Variants in PACRG observed in about 807,000 individuals in gnomAD.
The protein encoded by PACRG is parkin coregulated gene protein.
In PACRG, 29 loss-of-function variants were observed where a neutral mutation model predicts 29.7. The ratio of observed to expected loss-of-function variants is 0.98; its 90% CI spans 0.73 to 1.33. PACRG has a LOEUF of 1.33. Ranked by LOEUF, PACRG falls within the 40% of genes most tolerant of loss-of-function variation. The pLI is 0.00. For synonymous variants in PACRG, 116 were observed against 118.7 expected, an observed-to-expected ratio of 0.98 and a Z score of 0.15; for missense variants, 279 against 316.2, an observed-to-expected ratio of 0.88 and a Z score of 0.89.
At chr6:162,825,829 G>A (rs1218872271) in intron 2 of PACRG, among the ~76,000 whole-genome samples, 2 of 152,144 alleles carry the variant, frequency 1.3e-5, no homozygotes, top group East Asian at 1.9e-4. Flanking sequence ...CAGCCTTCAC[G>A]TTTCCTCACT....
chr6:162,882,915 G>A (rs913251943), intron 2 of PACRG, among the ~76,000 whole-genome samples: 2 of 152,160 alleles, frequency 1.3e-5, no homozygotes, highest in Admixed American at 1.3e-4. Flanking sequence ...TTGAAGATGG[G>A]GCATTAGCAT....
intron 2 of PACRG, chr6:162,957,559 A>AG (rs1198062299): frequency 7.6e-6 from 2 of 262,922 alleles, no homozygotes; most frequent in Admixed American, 4.3e-5. Flanking sequence ...AGCCTAAGGC[A>AG]GTATGTCTAA....
chr6:162,890,566 G>A (rs1330620113), intron 2 of PACRG, among the ~76,000 whole-genome samples: 2 of 152,106 alleles, frequency 1.3e-5, no homozygotes, highest in African/African-American at 2.4e-5. Flanking sequence ...TAATGGTTTC[G>A]CTCACACTCA....
intron 3 of PACRG, among the ~76,000 whole-genome samples, chr6:163,072,293 A>G (rs1488968923): frequency 6.6e-6 from 1 of 151,802 alleles, no homozygotes; most frequent in East Asian, 1.9e-4. Context: ...GTTACGATAT[A>G]TGCAAAGCAA....
At chr6:163,013,437 T>C (rs563726152) in intron 2 of PACRG, among the ~76,000 whole-genome samples, 2 of 150,818 alleles carry the variant, frequency 1.3e-5, no homozygotes, top group African/African-American at 4.8e-5. Flanking sequence ...CAATAGTCAG[T>C]ATTACCTGTA....
chr6:163,024,008 T>C (rs1365500240), intron 2 of PACRG, among the ~76,000 whole-genome samples: 1 of 152,224 alleles, frequency 6.6e-6, no homozygotes, highest in Non-Finnish European at 1.5e-5. Flanking sequence ...TTCTCTCCCA[T>C]TCTATAGTTT....
chr6:163,294,446 A>T (rs1784719913), intron 4 of PACRG, among the ~76,000 whole-genome samples: 3 of 152,224 alleles, frequency 2.0e-5, no homozygotes, highest in Non-Finnish European at 4.4e-5. Flanking sequence ...TTTAAAATGT[A>T]GTCAATAAAG....
At chr6:163,247,162 A>G (rs1376501371) in intron 4 of PACRG, among the ~76,000 whole-genome samples, 1 of 152,250 alleles carries the variant, frequency 6.6e-6, no homozygotes. Context: ...AGGTTTACCT[A>G]ATAACATAAC....
chr6:163,122,975 A>G (rs1816360772), intron 4 of PACRG, among the ~76,000 whole-genome samples: 1 of 152,194 alleles, frequency 6.6e-6, no homozygotes, highest in Non-Finnish European at 1.5e-5. Context: ...TCTCATGCCA[A>G]TGCTATTAAC....
chr6:162,783,122 T>A (rs1177502312), intron 1 of PACRG, among the ~76,000 whole-genome samples: 2 of 151,918 alleles, frequency 1.3e-5, no homozygotes, highest in Non-Finnish European at 2.9e-5. Context: ...GATGAAATAT[T>A]GCCTTAATTT....
intron 2 of PACRG, among the ~76,000 whole-genome samples, chr6:163,041,358 AT>A (rs1808696612): frequency 6.6e-6 from 1 of 152,094 alleles, no homozygotes; most frequent in Non-Finnish European, 1.5e-5. Context: ...AAAATAAAAA[AT>A]AATCCCCATA....
At chr6:163,126,489 A>G (rs1816519631) in intron 4 of PACRG, among the ~76,000 whole-genome samples, 1 of 152,202 alleles carries the variant, frequency 6.6e-6, no homozygotes, top group Non-Finnish European at 1.5e-5. Context: ...GAGGGCATTT[A>G]CAAAAGGAAC....
intron 2 of PACRG, among the ~76,000 whole-genome samples, chr6:162,875,475 G>A (rs1793260728): frequency 6.6e-6 from 1 of 152,164 alleles, no homozygotes; most frequent in South Asian, 2.1e-4. Context: ...ACACACACAT[G>A]CTTCCTTCAC....
chr6:163,201,908 G>T (rs983813075), intron 4 of PACRG, among the ~76,000 whole-genome samples: 1 of 152,214 alleles, frequency 6.6e-6, no homozygotes, highest in Non-Finnish European at 1.5e-5. Context: ...TCACACGGTG[G>T]TGGCCAACCT....
At chr6:162,987,533 T>C (rs546118439) in intron 2 of PACRG, among the ~76,000 whole-genome samples, 1 of 152,252 alleles carries the variant, frequency 6.6e-6, no homozygotes, top group African/African-American at 2.4e-5. Flanking sequence ...CGAGATCTGA[T>C]GGTTTTCTAA....
intron 1 of PACRG, among the ~76,000 whole-genome samples, chr6:162,776,553 G>T (rs1277584815): frequency 1.3e-5 from 2 of 152,334 alleles, no homozygotes; most frequent in East Asian, 3.9e-4. Context: ...GCCAACAGGG[G>T]ATAGTGCTGG....
At chr6:162,992,385 T>G (rs1281577458) in intron 2 of PACRG, among the ~76,000 whole-genome samples, 1 of 141,680 alleles carries the variant, frequency 7.1e-6, no homozygotes, top group South Asian at 2.4e-4. Context: ...TCTTTTTGGT[T>G]GGTAAACTAT....
chr6:162,926,242 T>C (rs907858932), intron 2 of PACRG, among the ~76,000 whole-genome samples: 2 of 152,152 alleles, frequency 1.3e-5, no homozygotes, highest in East Asian at 3.8e-4. Context: ...AAGTAATTTA[T>C]AGATTCAATG....
At chr6:163,166,145 G>T (rs1368170278) in intron 4 of PACRG, 2 of 456,242 alleles carry the variant, frequency 4.4e-6, no homozygotes, top group Admixed American at 4.7e-5. Context: ...AGCGTCGCTT[G>T]CGCCCGGCAC....
Sources: gnomAD v4.1 joint callset for allele counts (sites outside exome capture counted in the v4.1 genomes callset) on GRCh38, gnomAD v4.1.1 for gene constraint, MANE v1.5 for transcripts, NCBI Gene and HGNC (gene_info 2026-07-23, HGNC 2026-07-21) for gene names.